PEX5L: variants seen among roughly 807,000 people sequenced by gnomAD.
PEX5L encodes the protein PEX5-related protein.
PEX5L carries 30 observed loss-of-function variants against 84.0 expected under a neutral mutation model. The ratio of observed to expected loss-of-function variants is 0.36; its 90% confidence interval spans 0.27 to 0.48. The LOEUF is 0.48. Among genes scored for constraint, PEX5L ranks in the 20% least tolerant of loss-of-function variants. The probability of loss-of-function intolerance (pLI) is 0.99; values close to 1 mark genes in which losing one functional copy is unlikely to be tolerated. For missense variants in PEX5L, 533 were observed against 754.6 expected, an observed-to-expected ratio of 0.71 and a Z score of 3.44; for synonymous variants, 270 against 283.1, an observed-to-expected ratio of 0.95 and a Z score of 0.46.
rs947922064 is a variant in PEX5L at position 179,796,891 on chromosome 3, A to G, written c.*4937T>C. On this transcript the variant is annotated 3_prime_UTR_variant, in exon 15 of 15. Coordinates refer to ENST00000467460, the MANE Select transcript of PEX5L (RefSeq NM_016559.3). ...ACCATACAAACAGGGCTGTATCAGA[A>G]CAATGTTGTGATACCCCACACACTT... The G allele has an allele frequency of 2.0e-5, 3 of 152,202 alleles. No homozygotes were observed. In the East Asian group the frequency reaches 5.8e-4, roughly 29 times the overall value. 9.4% of individuals were successfully genotyped at this position (152,202 alleles called of 1,614,324 possible).
rs572880766 is a variant in PEX5L, at chr3:179,878,619, C to A, written c.505+1310G>T. 2.7e-4 allele frequency among the ~76,000 whole-genome samples: 41 copies of A among 152,282 alleles called. No homozygotes were observed. In the South Asian group the frequency reaches 8.1e-3, roughly 30 times the overall value. ...TGTGTGTGAATACCTTTCCTTTCTG[C>A]ACCAGGGATACCCTGCTCTGTTCTC... On this transcript the variant is annotated intron_variant, in intron 5 of 14. Coordinates refer to ENST00000467460, the MANE Select transcript of PEX5L (RefSeq NM_016559.3).
At chr3:179,888,552 A>G (rs1756620905) in intron 3 of PEX5L, among the ~76,000 whole-genome samples, 1 of 151,734 alleles carries the variant, frequency 6.6e-6, no homozygotes, top group African/African-American at 2.4e-5. Context: ...ATCATTCTGC[A>G]CCTCTTTGAA....
intron 7 of PEX5L, among the ~76,000 whole-genome samples, chr3:179,863,036 C>A (rs1334571142): frequency 6.6e-6 from 1 of 152,130 alleles, no homozygotes; most frequent in Non-Finnish European, 1.5e-5. Context: ...TAAACCCATG[C>A]ATTTATGGTT....
intron 1 of PEX5L, among the ~76,000 whole-genome samples, chr3:180,007,485 C>T (rs1422034307): frequency 1.3e-5 from 2 of 152,204 alleles, no homozygotes; most frequent in African/African-American, 4.8e-5. Flanking sequence ...CCTCTTCTCG[C>T]AGCTCGATTA....
Position 179,799,297 on chromosome 3 carries a change from G to A in PEX5L, c.*2531C>T, listed in dbSNP as rs1718171065. On this transcript the variant is annotated 3_prime_UTR_variant, in exon 15 of 15. Transcript: ENST00000467460. ...AAAAATGCAACTCTTTTCCTCTTGG[G>A]CCGTAATTCTGGACTTCTTGACAGC... 6.6e-6 allele frequency: 1 copy of A among 152,032 alleles called. No individual in the cohort carries two copies. Among genetic ancestry groups the A allele is most frequent in the African/African-American group, 2.4e-5 (1 of 41,372 alleles). The allele number at this position is 152,032 out of a possible 1,614,324, so 9.4% of individuals were successfully genotyped here.
chr3:179,971,197 C>G (rs949733044), intron 2 of PEX5L, among the ~76,000 whole-genome samples: 1 of 151,954 alleles, frequency 6.6e-6, no homozygotes, highest in Admixed American at 6.6e-5. Context: ...CTCTCTTTCT[C>G]TCTCTCAATT....
At chr3:179,830,445 C>T (rs1732419586) in intron 8 of PEX5L, among the ~76,000 whole-genome samples, 1 of 152,118 alleles carries the variant, frequency 6.6e-6, no homozygotes. Flanking sequence ...AACAGCAAGG[C>T]AAGGATTCTG....
chr3:180,036,699 T>G lies in PEX5L; in HGVS notation c.-100A>C, dbSNP rs1256335223. The G allele has an allele frequency of 1.5e-6, 2 of 1,373,140 alleles. No homozygotes were observed. The highest frequency in any genetic ancestry group is 2.8e-5 in the African/African-American group (2 of 70,186). The allele number at this position is 1,373,140 out of a possible 1,614,324, so 85.1% of individuals were successfully genotyped here. ...GGGGAAAAGGTGGGTGCACAGCGGGTTCTCAGAGGGTGCTCCTGAGCCCCC... is the reference window on the plus strand; with the variant it reads ...GGGGAAAAGGTGGGTGCACAGCGGGGTCTCAGAGGGTGCTCCTGAGCCCCC... On this transcript the variant is annotated 5_prime_UTR_variant, in exon 1 of 15. Coordinates refer to ENST00000467460, the MANE Select transcript of PEX5L (RefSeq NM_016559.3).
chr3:180,023,416 T>C (rs984175635), intron 1 of PEX5L, among the ~76,000 whole-genome samples: 6 of 152,206 alleles, frequency 3.9e-5, no homozygotes, highest in Non-Finnish European at 8.8e-5. Flanking sequence ...TACGGCAGCA[T>C]GCTCCCAAAC....
In PEX5L at chr3:179,905,358, T is replaced by C. The variant is rs187027970; in HGVS notation, c.94-7112A>G. 7.5e-4 allele frequency among the ~76,000 whole-genome samples: 114 copies of C among 151,918 alleles called. 1 individual carries two copies. In the East Asian group the frequency reaches 0.02, roughly 27 times the overall value. On this transcript the variant is annotated intron_variant, in intron 2 of 14. Coordinates refer to ENST00000467460, the MANE Select transcript of PEX5L (RefSeq NM_016559.3). ...CGCGATCTTGGCTCACTGCAAGCTC[T>C]GCCTCCCAGGTTCAAGCCATTCTCC...
At chr3:179,902,359 CGTT>C (rs1761678624) in intron 2 of PEX5L, among the ~76,000 whole-genome samples, 1 of 152,160 alleles carries the variant, frequency 6.6e-6, no homozygotes, top group Admixed American at 6.5e-5. Flanking sequence ...CATAAATGTC[CGTT>C]GTTCATGATC....
intron 1 of PEX5L, chr3:179,973,078 G>A: frequency 2.7e-6 from 2 of 738,294 alleles, no homozygotes; most frequent in South Asian, 2.7e-5. Flanking sequence ...TTGTTCACTG[G>A]TTGCCATAAG....
At chr3:179,809,710 C>G in intron 11 of PEX5L, 42 bp from the exon 12 acceptor site, 2 of 1,459,814 alleles carry the variant, frequency 1.4e-6, no homozygotes, top group Non-Finnish European at 1.9e-6. Context: ...TTTTTTTGAG[C>G]CACAATCTAA....
At chr3:179,997,315 G>A (rs1393465144) in intron 1 of PEX5L, among the ~76,000 whole-genome samples, 1 of 152,178 alleles carries the variant, frequency 6.6e-6, no homozygotes, top group Non-Finnish European at 1.5e-5. Context: ...GCTTATGGAG[G>A]TCAGGTAATT....
intron 1 of PEX5L, among the ~76,000 whole-genome samples, chr3:179,995,104 C>CACACTATATATACTATATATAT: frequency 6.8e-6 from 1 of 146,800 alleles, no homozygotes; most frequent in Non-Finnish European, 1.5e-5. Context: ...TATATATACA[C>CACACTATATATACTATATATAT]ACACTATATA....
intron 7 of PEX5L, among the ~76,000 whole-genome samples, chr3:179,872,710 CCACCTGTGCCAAGTCT>C (rs1258003494): frequency 2.6e-5 from 4 of 152,124 alleles, no homozygotes; most frequent in African/African-American, 9.7e-5. Context: ...GTAGAACAGC[CCACCTGTGCCAAGTCT>C]CACCTGCTTT....
At chr3:179,917,887 G>A (rs1475912767) in intron 2 of PEX5L, among the ~76,000 whole-genome samples, 3 of 152,100 alleles carry the variant, frequency 2.0e-5, no homozygotes, top group African/African-American at 4.8e-5. Flanking sequence ...TTGAACTCCC[G>A]ACCTCAGGTG....
intron 2 of PEX5L, among the ~76,000 whole-genome samples, chr3:179,944,167 A>T (rs1392456467): frequency 6.6e-6 from 1 of 152,252 alleles, no homozygotes; most frequent in Non-Finnish European, 1.5e-5. Context: ...GAGGGAATAT[A>T]TCAGAAATTT....
chr3:180,023,769 CACAGAG>C (rs1196827666), intron 1 of PEX5L, among the ~76,000 whole-genome samples: 13 of 149,308 alleles, frequency 8.7e-5, no homozygotes, highest in African/African-American at 2.0e-4. Context: ...CACGCACACA[CACAGAG>C]AGAGAGAGAG....
Sources: gnomAD v4.1 joint callset for allele counts (sites outside exome capture counted in the v4.1 genomes callset) on GRCh38, gnomAD v4.1.1 for gene constraint, MANE v1.5 for transcripts, NCBI Gene and HGNC (gene_info 2026-07-23, HGNC 2026-07-21) for gene names.